The following PDZRN4 variants were observed in gnomAD, a reference collection of about 807,000 sequenced individuals.
PDZRN4 encodes the protein PDZ domain-containing RING finger protein 4.
PDZRN4 carries 70 observed loss-of-function variants against 99.0 expected under a neutral mutation model. That is an observed-to-expected ratio of 0.71 (90% CI 0.58 to 0.86). The LOEUF is 0.86. Among genes scored for constraint, PDZRN4 ranks in the 40% least tolerant of loss-of-function variants. PDZRN4 has a pLI of 0.00. For synonymous variants in PDZRN4, 551 were observed against 501.6 expected, an observed-to-expected ratio of 1.10 and a Z score of -1.32; for missense variants, 1,474 against 1,331.2, an observed-to-expected ratio of 1.11 and a Z score of -1.67.
chr12:41,345,273 T>C (rs1592021137), intron 3 of PDZRN4, among the ~76,000 whole-genome samples: 1 of 152,318 alleles, frequency 6.6e-6, no homozygotes, highest in East Asian at 1.9e-4. Context: ...ACAGACGCGT[T>C]CCTTTTGTTA....
At position 41,418,677 on chromosome 12, in the gene PDZRN4, T is replaced by C. The variant is rs140261112; in HGVS notation, c.844-87779T>C. Among the ~76,000 whole-genome samples the C allele has an allele frequency of 5.7e-4, 87 of 152,288 alleles. No homozygotes were observed. In the South Asian group the frequency reaches 0.012, roughly 22 times the overall value. ...TACCCTGAAATTTCAGAGTTTGTTG[T>C]TATGTAAAACAAAGCAATTTTCCTG... On this transcript the variant is annotated intron_variant, in intron 3 of 9. Coordinates refer to ENST00000402685, the MANE Select transcript of PDZRN4 (RefSeq NM_001164595.2).
At position 41,456,983 on chromosome 12, in the gene PDZRN4, G is replaced by A. The variant is rs551298355; in HGVS notation, c.844-49473G>A. The stretch of plus-strand genomic sequence containing the variant: ...CAGCCATAGTGTGTGGGCAAAGGGT[G>A]ATGGCCATACCAGGAAGACAGGATT... On this transcript the variant is annotated intron_variant, in intron 3 of 9. Coordinates refer to ENST00000402685, the MANE Select transcript of PDZRN4 (RefSeq NM_001164595.2). Among the ~76,000 whole-genome samples the A allele has an allele frequency of 3.9e-5, 6 of 152,298 alleles. No individual in the cohort carries two copies. In the South Asian group the frequency reaches 8.3e-4, roughly 21 times the overall value.
chr12:41,407,391 A>G (rs1037051116), intron 3 of PDZRN4, among the ~76,000 whole-genome samples: 1 of 152,186 alleles, frequency 6.6e-6, no homozygotes, highest in Admixed American at 6.5e-5. Flanking sequence ...AGGTCTGTCA[A>G]ACAGCATAGT....
chr12:41,558,072 T>C (rs1939198390), intron 7 of PDZRN4, among the ~76,000 whole-genome samples: 2 of 152,220 alleles, frequency 1.3e-5, no homozygotes, highest in Non-Finnish European at 2.9e-5. Context: ...TTTTCGTGTG[T>C]CATCCAGATA....
chr12:41,489,667 T>C (rs990095478), intron 3 of PDZRN4, among the ~76,000 whole-genome samples: 1 of 125,206 alleles, frequency 8.0e-6, no homozygotes, highest in Non-Finnish European at 1.7e-5. Flanking sequence ...TTTACTGAGA[T>C]TTCCAGGTTT....
chr12:41,352,250 G>A (rs539818586), intron 3 of PDZRN4, among the ~76,000 whole-genome samples: 6 of 152,042 alleles, frequency 3.9e-5, no homozygotes, highest in Middle Eastern at 3.2e-3. Context: ...CTTTTAAGAA[G>A]CATGGCTGTG....
intron 3 of PDZRN4, among the ~76,000 whole-genome samples, chr12:41,373,976 C>T (rs1252082565): frequency 6.6e-6 from 1 of 152,182 alleles, no homozygotes; most frequent in Non-Finnish European, 1.5e-5. Context: ...CTTCCCACAA[C>T]ACACAGGTTC....
chr12:41,346,690 A>T (rs1202382944), intron 3 of PDZRN4, among the ~76,000 whole-genome samples: 1 of 152,132 alleles, frequency 6.6e-6, no homozygotes, highest in Non-Finnish European at 1.5e-5. Context: ...ATGGTACTAA[A>T]TAATTTTTTT....
intron 3 of PDZRN4, among the ~76,000 whole-genome samples, chr12:41,290,361 T>C (rs935617555): frequency 6.6e-6 from 1 of 152,226 alleles, no homozygotes; most frequent in East Asian, 1.9e-4. Flanking sequence ...ATAGAAATTC[T>C]GAAGCTGGTT....
rs1339007954 is a variant in PDZRN4, at chr12:41,437,831, T to G, written c.844-68625T>G. 4.4e-6 allele frequency: 7 copies of G among 1,593,350 alleles called. No homozygotes were observed. In the East Asian group the frequency reaches 1.6e-4, roughly 36 times the overall value. On this transcript the variant is annotated intron_variant, in intron 3 of 9. Coordinates refer to ENST00000402685, the MANE Select transcript of PDZRN4 (RefSeq NM_001164595.2). ...CAGCGGTTTGTCTGTGTTTCTGGAC[T>G]GAAGTGACTGATGAAAAACAGTAGT...
intron 3 of PDZRN4, among the ~76,000 whole-genome samples, chr12:41,347,775 A>G (rs543465106): frequency 1.3e-3 from 197 of 152,296 alleles, no homozygotes; most frequent in African/African-American, 4.6e-3. Context: ...TTGTAGCTTC[A>G]GCTTTTAAAT....
At chr12:41,383,201 CT>C (rs1952139518) in intron 3 of PDZRN4, among the ~76,000 whole-genome samples, 1 of 152,088 alleles carries the variant, frequency 6.6e-6, no homozygotes, top group South Asian at 2.1e-4. Flanking sequence ...ACTTTGGCAC[CT>C]AATTTGGAAT....
chr12:41,395,289 A>T (rs1952238835), intron 3 of PDZRN4, among the ~76,000 whole-genome samples: 1 of 152,192 alleles, frequency 6.6e-6, no homozygotes, highest in Non-Finnish European at 1.5e-5. Context: ...ATACAACAGT[A>T]TGACAGGTAT....
intron 3 of PDZRN4, among the ~76,000 whole-genome samples, chr12:41,431,363 A>T (rs571052624): frequency 6.6e-6 from 1 of 152,312 alleles, no homozygotes; most frequent in African/African-American, 2.4e-5. Flanking sequence ...AGAAACAGAG[A>T]AGATTGAAAA....
chr12:41,189,240 C>A, intron 1 of PDZRN4, 137 bp downstream of exon 1: 2 of 742,538 alleles, frequency 2.7e-6, no homozygotes, highest in Non-Finnish European at 4.3e-6. Flanking sequence ...ACACCCTGAT[C>A]ATACTTTCCT....
chr12:41,233,473 G>C (rs1037256314), intron 3 of PDZRN4, among the ~76,000 whole-genome samples: 11 of 151,974 alleles, frequency 7.2e-5, no homozygotes, highest in Non-Finnish European at 1.5e-4. Context: ...ATGCTGCTCT[G>C]AAGACACATG....
intron 3 of PDZRN4, among the ~76,000 whole-genome samples, chr12:41,246,475 G>T (rs761801971): frequency 8.5e-5 from 13 of 152,186 alleles, no homozygotes; most frequent in Non-Finnish European, 1.5e-4. Flanking sequence ...GTTCTTTCAT[G>T]TGCAGAGGAA....
At chr12:41,250,755 C>T (rs78241219) in intron 3 of PDZRN4, among the ~76,000 whole-genome samples, 1,923 of 152,274 alleles carry the variant, frequency 0.013, 55 homozygotes, top group East Asian at 0.1. Flanking sequence ...AGCATTGACA[C>T]GGTGGAGAAA....
At chr12:41,434,353 T>C (rs1239416175) in intron 3 of PDZRN4, among the ~76,000 whole-genome samples, 1 of 152,152 alleles carries the variant, frequency 6.6e-6, no homozygotes, top group African/African-American at 2.4e-5. Context: ...TTTTTCTGTC[T>C]CAGGTGGCAC....
Sources: allele counts gnomAD v4.1 joint callset (sites outside exome capture counted in the v4.1 genomes callset), GRCh38; gene constraint gnomAD v4.1.1; transcripts MANE v1.5; gene names NCBI Gene and HGNC (gene_info 2026-07-23, HGNC 2026-07-21).